RUBCN: variants seen among roughly 807,000 people sequenced by gnomAD.
RUBCN encodes rubicon autophagy regulator, also known as run domain Beclin-1-interacting and cysteine-rich domain-containing protein.
Under a neutral mutation model 113.2 loss-of-function variants are expected in RUBCN, and 74 were observed. The ratio of observed to expected loss-of-function variants is 0.65; its 90% CI spans 0.54 to 0.79. The LOEUF is 0.79. Among genes scored for constraint, RUBCN ranks in the 30% least tolerant of loss-of-function variants. RUBCN has a pLI of 0.00. For missense variants in RUBCN, 1,109 were observed against 1,251.7 expected (o/e 0.89, Z 1.72); for synonymous variants, 480 against 490.0 (o/e 0.98, Z 0.27).
intron 11 of RUBCN, among the ~76,000 whole-genome samples, chr3:197,690,891 T>TGA: frequency 6.6e-6 from 1 of 152,292 alleles, no homozygotes; most frequent in East Asian, 1.9e-4. Flanking sequence ...GAAGAATCAG[T>TGA]GAGTATCTGA....
At chr3:197,744,239 A>C (rs1728647020) in intron 1 of RUBCN, among the ~76,000 whole-genome samples, 1 of 152,156 alleles carries the variant, frequency 6.6e-6, no homozygotes, top group Non-Finnish European at 1.5e-5. Flanking sequence ...AATTCTTGGC[A>C]AAATATTAGC....
chr3:197,734,429 A>G (rs1727888788), intron 1 of RUBCN, among the ~76,000 whole-genome samples: 1 of 150,600 alleles, frequency 6.6e-6, no homozygotes, highest in Admixed American at 6.6e-5. Flanking sequence ...AAAAAAGCGC[A>G]GACTCTGGTG....
chr3:197,696,131 T>C, intron 8 of RUBCN, 150 bp from the exon 9 acceptor site: 1 of 776,288 alleles, frequency 1.3e-6, no homozygotes, highest in Non-Finnish European at 2.2e-6. Context: ...TCTTGCACTT[T>C]GGGAGGGCAA....
chr3:197,703,704 G>C, intron 4 of RUBCN, 50 bp from the exon 5 acceptor site: 1 of 1,206,520 alleles, frequency 8.3e-7, no homozygotes, highest in Non-Finnish European at 1.2e-6. Context: ...GGGAGGCCTT[G>C]AGAGAAGCTT....
intron 16 of RUBCN, among the ~76,000 whole-genome samples, chr3:197,680,001 T>C (rs367747370): frequency 5.9e-3 from 377 of 64,146 alleles, no homozygotes; most frequent in Middle Eastern, 0.019. Flanking sequence ...TGGCTTCAGA[T>C]TGTCCTGTGC....
intron 1 of RUBCN, among the ~76,000 whole-genome samples, chr3:197,720,400 T>C (rs1726014315): frequency 6.6e-6 from 1 of 152,012 alleles, no homozygotes; most frequent in African/African-American, 2.4e-5. Flanking sequence ...TAGCCATTAA[T>C]CTGTTGACGG....
chr3:197,719,716 C>A (rs894206168), intron 1 of RUBCN, among the ~76,000 whole-genome samples: 1 of 152,086 alleles, frequency 6.6e-6, no homozygotes, highest in African/African-American at 2.4e-5. Context: ...CTAAGATACA[C>A]CAAACAATCT....
chr3:197,673,659 A>T lies in RUBCN; in HGVS notation c.*1359T>A, dbSNP rs893059296. ...GGACTTCACTGTCAACACACACATT[A>T]ACGGGGGGGAAGGGGGAGGCAGCAC... On this transcript the variant is annotated 3_prime_UTR_variant, in exon 20 of 20. Transcript: ENST00000296343. 6.9e-6 allele frequency: 1 copy of T among 145,396 alleles called. No homozygotes were observed. The highest frequency in any genetic ancestry group is 1.5e-5 in the Non-Finnish European group (1 of 66,288). The allele number at this position is 145,396 out of a possible 1,614,324, so 9.0% of individuals were successfully genotyped here.
At position 197,681,723 on chromosome 3, in the gene RUBCN, T is replaced by C; in HGVS notation, c.2191+112A>G. ...CTACGAACCTTTCTTTCTCCTTCCC[T>C]ACTTCTGCCACGCCACCTCCTGCTA... is the stretch of plus-strand genomic sequence containing the variant. On this transcript the variant is annotated intron_variant, in intron 15 of 19. Coordinates refer to ENST00000296343, the MANE Select transcript of RUBCN (RefSeq NM_014687.4). The surrounding 1 kb of genome is among the most constrained non-coding windows in gnomAD (Gnocchi z 5.5). The C allele has an allele frequency of 1.1e-6, 1 of 929,306 alleles. No individual in the cohort carries two copies. Among genetic ancestry groups the C allele is most frequent in the East Asian group, 2.4e-5 (1 of 41,090 alleles). The allele number at this position is 929,306 out of a possible 1,614,324, so 57.6% of individuals were successfully genotyped here. A position where few individuals can be genotyped will look rare whatever the true frequency, so the allele number is the denominator to read the frequency against.
chr3:197,670,603 G>A lies in RUBCN; in HGVS notation c.*4415C>T, dbSNP rs1006543716. Among the ~76,000 whole-genome samples the A allele has an allele frequency of 1.3e-5, 2 of 152,340 alleles. No homozygotes were observed. Among genetic ancestry groups the A allele is most frequent in the Non-Finnish European group, 2.9e-5 (2 of 68,030 alleles). ...TAGAACAAAGTGAAGGTTTTGTACT[G>A]TAAGCTATTTTCCTATCTCTAGTTG... is the stretch of plus-strand genomic sequence containing the variant. On this transcript the variant is annotated 3_prime_UTR_variant, in exon 20 of 20. Coordinates refer to ENST00000296343, the MANE Select transcript of RUBCN (RefSeq NM_014687.4).
chr3:197,677,714 G>A (rs1580142427), intron 16 of RUBCN, among the ~76,000 whole-genome samples, 173 bp from the exon 17 acceptor site: 1 of 150,392 alleles, frequency 6.6e-6, no homozygotes, highest in Non-Finnish European at 1.5e-5. Context: ...GCTCTGACTC[G>A]ACACCTGGCT....
intron 11 of RUBCN, among the ~76,000 whole-genome samples, chr3:197,692,120 CA>C (rs1722490926): frequency 6.6e-6 from 1 of 152,120 alleles, no homozygotes; most frequent in South Asian, 2.1e-4. Flanking sequence ...CCATCGCCTC[CA>C]GGGAGGGGAG....
At chr3:197,695,219 C>T (rs1722874537) in intron 9 of RUBCN, among the ~76,000 whole-genome samples, 1 of 149,680 alleles carries the variant, frequency 6.7e-6, no homozygotes, top group African/African-American at 2.5e-5. Flanking sequence ...CGGCTCACAC[C>T]TGTGAATCCC....
intron 11 of RUBCN, 38 bp downstream of exon 11, chr3:197,693,677 G>T (rs1560423359): frequency 3.0e-6 from 4 of 1,330,260 alleles, no homozygotes; most frequent in East Asian, 4.6e-5. Context: ...GAAAGAAACA[G>T]AATAAAAGTT....
intron 1 of RUBCN, among the ~76,000 whole-genome samples, chr3:197,736,364 T>C (rs1014875356): frequency 2.6e-5 from 4 of 151,910 alleles, no homozygotes; most frequent in Admixed American, 2.6e-4. Context: ...TCGCCCAGTC[T>C]CTCAGCTGCC....
chr3:197,689,950 C>T (rs1044687004), intron 11 of RUBCN, among the ~76,000 whole-genome samples: 5 of 152,152 alleles, frequency 3.3e-5, no homozygotes, highest in East Asian at 1.9e-4. Context: ...CCTCTCTTTA[C>T]GCCCCAACCC....
rs561183015 is a variant in RUBCN, at chr3:197,681,026, G to A, written c.2430+103C>T. ...ACGAGGGGAGGGGATGGGGGGAGGGGACAAGAGGAGGGGATGGGGGGAGGG... is the reference window on the plus strand; with the variant it reads ...ACGAGGGGAGGGGATGGGGGGAGGGAACAAGAGGAGGGGATGGGGGGAGGG... On this transcript the variant is annotated intron_variant, in intron 16 of 19. Transcript: ENST00000296343. The surrounding 1 kb of genome is among the most constrained non-coding windows in gnomAD (Gnocchi z 5.5). 2.3e-4 allele frequency: 146 copies of A among 638,728 alleles called. 1 individual carries two copies. Among genetic ancestry groups the A allele is most frequent in the Non-Finnish European group, 3.7e-4 (132 of 358,296 alleles). 39.6% of individuals were successfully genotyped at this position (638,728 alleles called of 1,614,324 possible).
rs765304297 is a variant in RUBCN at position 197,718,085 on chromosome 3, C to T, written c.111G>A (p.Glu37=). 1 of 1,614,250 alleles carries T rather than the reference C, an allele frequency of 6.2e-7. No individual in the cohort carries two copies. Among genetic ancestry groups the T allele is most frequent in the South Asian group, 1.1e-5 (1 of 91,080 alleles). ...TGGGGCTGTTGGTTGATACCAAACC[C>T]TCCACCGTCGTCTTCAAATTACCCA... ...QLLGNLKTTV[E]GLVSTNSPNV... is the part of the protein sequence containing the mutation. Residue 37 remains glutamate (E), a synonymous_variant, in exon 2 of 20, where the codon GAG becomes GAA. Coordinates refer to ENST00000296343, the MANE Select transcript of RUBCN (RefSeq NM_014687.4).
chr3:197,714,495 A>T (rs1725301852), intron 2 of RUBCN, among the ~76,000 whole-genome samples: 1 of 151,974 alleles, frequency 6.6e-6, no homozygotes, highest in African/African-American at 2.4e-5. Context: ...TAAGTTTTTA[A>T]ATTTTTTACA....
Sources: gnomAD v4.1 joint callset for allele counts (sites outside exome capture counted in the v4.1 genomes callset) on GRCh38, gnomAD v4.1.1 for gene constraint, Gnocchi (gnomAD v3.1) non-coding constraint, MANE v1.5 for transcripts, NCBI Gene and HGNC (gene_info 2026-07-23, HGNC 2026-07-21) for gene names.